EPB41L2: variants seen among roughly 807,000 people sequenced by gnomAD.
EPB41L2 encodes band 4.1-like protein 2.
A neutral mutation model predicts 113.0 loss-of-function variants in EPB41L2; 43 were observed. The ratio of observed to expected loss-of-function variants is 0.38; its 90% confidence interval spans 0.30 to 0.49. EPB41L2 has a LOEUF of 0.49. Among genes scored for constraint, EPB41L2 ranks in the 20% least tolerant of loss-of-function variants. The pLI is 0.95. For synonymous variants in EPB41L2, 442 were observed against 436.7 expected (o/e 1.01, Z -0.15); for missense variants, 1,147 against 1,223.4 (o/e 0.94, Z 0.93).
At chr6:130,928,747 G>A (rs3777457) in intron 3 of EPB41L2, among the ~76,000 whole-genome samples, 43,438 of 152,092 alleles carry the variant, frequency 0.29, 8,210 homozygotes, top group African/African-American at 0.53. Context: ...TTCCTCTATC[G>A]GACCTAGTTC....
intron 1 of EPB41L2, among the ~76,000 whole-genome samples, chr6:131,020,070 T>G (rs1054375292): frequency 1.4e-4 from 21 of 152,244 alleles, no homozygotes; most frequent in African/African-American, 4.6e-4. Context: ...TTGCTGGTAT[T>G]TTCAAAAGTA....
Position 130,895,073 on chromosome 6 carries a change from A to T in EPB41L2, c.1283T>A (p.Leu428His). ...TCGCAGTCTGTCTTTGTAAATGAGAAGTCCATTAGCACACACGCCCAGCTT... is the reference window on the plus strand; with the variant it reads ...TCGCAGTCTGTCTTTGTAAATGAGATGTCCATTAGCACACACGCCCAGCTT... The part of the protein sequence containing the change: ...DIKLGVCANG[L>H]LIYKDRLRIN... The change falls in exon 9 of 20, where the codon CTT becomes CAT. Residue 428 changes from leucine (L) to histidine (H), a missense_variant. Leu to His is a moderately conservative substitution (Grantham distance 99). Coordinates refer to ENST00000337057, the MANE Select transcript of EPB41L2 (RefSeq NM_001431.4). 6.2e-7 allele frequency: 1 copy of T among 1,613,976 alleles called. No homozygotes were observed. The highest frequency in any genetic ancestry group is 8.5e-7 in the Non-Finnish European group (1 of 1,179,866).
At chr6:130,978,122 C>A (rs1450565434) in intron 1 of EPB41L2, among the ~76,000 whole-genome samples, 4 of 152,188 alleles carry the variant, frequency 2.6e-5, no homozygotes, top group Non-Finnish European at 5.9e-5. Flanking sequence ...TTTAAAACAG[C>A]CACCACCATT....
intron 1 of EPB41L2, among the ~76,000 whole-genome samples, chr6:131,051,042 GTA>G (rs1796414206): frequency 6.6e-6 from 1 of 152,142 alleles, no homozygotes; most frequent in South Asian, 2.1e-4. Flanking sequence ...TCTAGTTCAA[GTA>G]TATAATATTT....
intron 18 of EPB41L2, among the ~76,000 whole-genome samples, chr6:130,860,693 C>T (rs926544514): frequency 6.6e-6 from 1 of 152,088 alleles, no homozygotes; most frequent in Non-Finnish European, 1.5e-5. Context: ...CCACTGCGCC[C>T]GGCTAATTTT....
At chr6:131,012,754 G>C (rs948388903) in intron 1 of EPB41L2, among the ~76,000 whole-genome samples, 13 of 152,166 alleles carry the variant, frequency 8.5e-5, no homozygotes, top group African/African-American at 2.6e-4. Context: ...ATTGCTAACT[G>C]AGACCACAAA....
At chr6:131,050,004 CTCT>C (rs1796213064) in intron 1 of EPB41L2, among the ~76,000 whole-genome samples, 1 of 152,148 alleles carries the variant, frequency 6.6e-6, no homozygotes, top group African/African-American at 2.4e-5. Context: ...AAACTCTTCG[CTCT>C]TCTTACTTGT....
At chr6:131,029,851 G>A (rs1014684046) in intron 1 of EPB41L2, among the ~76,000 whole-genome samples, 12 of 151,242 alleles carry the variant, frequency 7.9e-5, no homozygotes, top group African/African-American at 2.4e-4. Flanking sequence ...TGATTGTTCT[G>A]AGCCCTTTAT....
intron 1 of EPB41L2, among the ~76,000 whole-genome samples, chr6:130,960,008 A>G (rs1051979832): frequency 2.0e-5 from 3 of 152,250 alleles, no homozygotes; most frequent in African/African-American, 4.8e-5. Flanking sequence ...TTATATTTTA[A>G]TCATAAGGGT....
intron 1 of EPB41L2, among the ~76,000 whole-genome samples, chr6:131,054,299 C>T (rs1797191328): frequency 6.6e-6 from 1 of 152,182 alleles, no homozygotes; most frequent in Admixed American, 6.5e-5. Context: ...GCAGAACTTC[C>T]TCATTCAAGT....
At chr6:130,958,153 C>CA (rs1818084823) in intron 1 of EPB41L2, among the ~76,000 whole-genome samples, 1 of 151,924 alleles carries the variant, frequency 6.6e-6, no homozygotes, top group African/African-American at 2.4e-5. Flanking sequence ...GCATGTTGCA[C>CA]AAAAAACACA....
intron 5 of EPB41L2, among the ~76,000 whole-genome samples, chr6:130,906,638 T>C (rs936577842): frequency 1.3e-5 from 2 of 152,214 alleles, no homozygotes; most frequent in Non-Finnish European, 2.9e-5. Flanking sequence ...AATAAAGGTT[T>C]TAAGGCAAAT....
chr6:130,884,498 C>T (rs1354497269), intron 12 of EPB41L2, among the ~76,000 whole-genome samples: 2 of 152,142 alleles, frequency 1.3e-5, no homozygotes, highest in Non-Finnish European at 2.9e-5. Context: ...AATCAATATT[C>T]AAGTGATGTT....
chr6:130,891,998 G>A (rs4897472), intron 10 of EPB41L2, among the ~76,000 whole-genome samples: 67,062 of 152,026 alleles, frequency 0.44, 16,256 homozygotes, highest in Non-Finnish European at 0.52. Flanking sequence ...TTTGTAAGCA[G>A]CGTTATGCAA....
rs1797169844 is a variant in EPB41L2, at chr6:130,904,509, C to T, written c.885G>A (p.Lys295=). Residue 295 remains lysine (K), a synonymous_variant, in exon 6 of 20, where the codon AAG becomes AAA. Coordinates refer to ENST00000337057, the MANE Select transcript of EPB41L2 (RefSeq NM_001431.4). ...ATTGAGAAGGATCAGGAGGATAAAACTTCACATTAAAAGTGAATAGCCATG... is the reference window on the plus strand; with the variant it reads ...ATTGAGAAGGATCAGGAGGATAAAATTTCACATTAAAAGTGAATAGCCATG... ...NLPWLFTFNV[K]FYPPDPSQLT... 1 of 1,606,910 alleles carries T rather than the reference C, an allele frequency of 6.2e-7. No individual in the cohort carries two copies. The highest frequency in any genetic ancestry group is 1.3e-5 in the African/African-American group (1 of 74,910).
At chr6:131,027,683 T>C (rs555003973) in intron 1 of EPB41L2, among the ~76,000 whole-genome samples, 6 of 152,214 alleles carry the variant, frequency 3.9e-5, no homozygotes, top group Non-Finnish European at 7.3e-5. Context: ...AGAGAATAAA[T>C]GCTTGAAGGA....
At chr6:130,898,718 T>G (rs1191316386) in intron 8 of EPB41L2, among the ~76,000 whole-genome samples, 1 of 152,202 alleles carries the variant, frequency 6.6e-6, no homozygotes, top group East Asian at 1.9e-4. Flanking sequence ...AAAAAATGTA[T>G]GTTACTACTG....
chr6:131,059,449 GC>G (rs1410108513), intron 1 of EPB41L2, among the ~76,000 whole-genome samples: 2 of 152,184 alleles, frequency 1.3e-5, no homozygotes, highest in Non-Finnish European at 2.9e-5. Flanking sequence ...TAACTTGGAG[GC>G]CATTTCCCTA....
At chr6:131,048,627 TG>T (rs1262419577) in intron 1 of EPB41L2, among the ~76,000 whole-genome samples, 7 of 151,684 alleles carry the variant, frequency 4.6e-5, no homozygotes, top group Non-Finnish European at 1.0e-4. Context: ...AAGATGAGAG[TG>T]GGTCAGGGAG....
Sources: allele counts gnomAD v4.1 joint callset (sites outside exome capture counted in the v4.1 genomes callset), GRCh38; gene constraint gnomAD v4.1.1; transcripts MANE v1.5; gene names NCBI Gene and HGNC (gene_info 2026-07-23, HGNC 2026-07-21).